Variants in PLEKHG1 observed in about 807,000 individuals in gnomAD.
PLEKHG1 encodes the protein pleckstrin homology domain-containing family G member 1.
A neutral mutation model predicts 100.8 loss-of-function variants in PLEKHG1; 44 were observed. The ratio of observed to expected loss-of-function variants is 0.44; its 90% CI spans 0.34 to 0.56. The LOEUF is 0.56. Among genes scored for constraint, PLEKHG1 ranks in the 20% least tolerant of loss-of-function variants. PLEKHG1 has a pLI of 0.01. For synonymous variants in PLEKHG1, 640 were observed against 662.5 expected, an observed-to-expected ratio of 0.97 and a Z score of 0.52; for missense variants, 1,545 against 1,720.9, an observed-to-expected ratio of 0.90 and a Z score of 1.81.
At chr6:150,755,588 T>C (rs756708008) in intron 2 of PLEKHG1, among the ~76,000 whole-genome samples, 2 of 152,134 alleles carry the variant, frequency 1.3e-5, no homozygotes, top group Non-Finnish European at 2.9e-5. Flanking sequence ...GAATGGACCA[T>C]GTGTGCAGTT....
intron 6 of PLEKHG1, among the ~76,000 whole-genome samples, chr6:150,804,386 A>G (rs1786914413): frequency 6.7e-6 from 1 of 150,240 alleles, no homozygotes; most frequent in African/African-American, 2.4e-5. Flanking sequence ...GGGTTTCACC[A>G]TGTTGGCCAG....
chr6:150,778,173 G>T (rs1785100398), intron 3 of PLEKHG1, among the ~76,000 whole-genome samples: 3 of 152,148 alleles, frequency 2.0e-5, no homozygotes, highest in Admixed American at 6.5e-5. Context: ...TGTTGTCCAG[G>T]CTGGAGTACA....
At chr6:150,773,192 A>G (rs1784790755) in intron 3 of PLEKHG1, among the ~76,000 whole-genome samples, 1 of 152,164 alleles carries the variant, frequency 6.6e-6, no homozygotes, top group South Asian at 2.1e-4. Context: ...GGTGTATAGT[A>G]AGGAGATCTA....
chr6:150,615,562 A>G (rs551887829), intron 1 of PLEKHG1, among the ~76,000 whole-genome samples: 13 of 152,328 alleles, frequency 8.5e-5, no homozygotes, highest in Non-Finnish European at 1.5e-4. Context: ...TAAATCTTAT[A>G]TATTGATTTA....
intron 10 of PLEKHG1, among the ~76,000 whole-genome samples, chr6:150,813,247 T>C (rs541641694): frequency 6.7e-6 from 1 of 150,112 alleles, no homozygotes; most frequent in African/African-American, 2.5e-5. Context: ...GGAGCTTGCA[T>C]TGAGCCGAGA....
chr6:150,813,712 CT>C (rs893757641), intron 10 of PLEKHG1, among the ~76,000 whole-genome samples: 2 of 152,080 alleles, frequency 1.3e-5, no homozygotes, highest in African/African-American at 4.8e-5. Flanking sequence ...GAAGAAGGGA[CT>C]TTTGGAGTCC....
At chr6:150,742,560 A>G (rs1488639938) in intron 2 of PLEKHG1, among the ~76,000 whole-genome samples, 1 of 66,658 alleles carries the variant, frequency 1.5e-5, no homozygotes, top group Non-Finnish European at 2.6e-5. Context: ...GTGAGACTCC[A>G]TCTCAAAAAA....
chr6:150,653,449 T>A (rs1335329768), intron 3 of PLEKHG1, among the ~76,000 whole-genome samples: 2 of 150,668 alleles, frequency 1.3e-5, no homozygotes, highest in Non-Finnish European at 3.0e-5. Context: ...AAAAAAAAAA[T>A]AAAAGTAAAC....
At chr6:150,723,444 G>A (rs559097045) in intron 1 of PLEKHG1, among the ~76,000 whole-genome samples, 1 of 152,250 alleles carries the variant, frequency 6.6e-6, no homozygotes, top group South Asian at 2.1e-4. Context: ...AGCTTATGTT[G>A]AGTCCTTCAT....
intron 1 of PLEKHG1, among the ~76,000 whole-genome samples, chr6:150,722,349 CTTTTTTTTT>C (rs139069069): frequency 1.1e-5 from 1 of 90,680 alleles, no homozygotes; most frequent in Non-Finnish European, 2.1e-5. Context: ...TTTTTCTTTT[CTTTTTTTTT>C]TTTTTTTTTT....
Position 150,683,972 on chromosome 6 carries a change from G to C in PLEKHG1, c.-99+33186G>C. On this transcript the variant is annotated intron_variant, in intron 3 of 3. Transcript: ENST00000367326. The surrounding 1 kb of genome is among the most constrained non-coding windows in gnomAD (Gnocchi z 4.0). ...TAGTGGGTTTCATGGAAGGATAAAAGTATCAGGCAGCCTCCTCGGGCGGAG... is the reference window on the plus strand; with the variant it reads ...TAGTGGGTTTCATGGAAGGATAAAACTATCAGGCAGCCTCCTCGGGCGGAG... 2.4e-6 allele frequency: 1 copy of C among 417,704 alleles called. No homozygotes were observed. Among genetic ancestry groups the C allele is most frequent in the Non-Finnish European group, 4.2e-6 (1 of 236,194 alleles). The allele number at this position is 417,704 out of a possible 1,614,324, so 25.9% of individuals were successfully genotyped here. A position where few individuals can be genotyped will look rare whatever the true frequency, so the allele number is the denominator to read the frequency against.
rs117002671 is a variant in PLEKHG1 at position 150,638,823 on chromosome 6, A to G, written c.-158+698A>G. Among the ~76,000 whole-genome samples the G allele has an allele frequency of 2.6e-4, 39 of 152,366 alleles. No homozygotes were observed. In the East Asian group the frequency reaches 6.2e-3, roughly 24 times the overall value. On this transcript the variant is annotated intron_variant, in intron 2 of 3. Transcript: ENST00000367326. ...AATAGAAGCTATTAGAATTCTCTTTATATAGCAGGGAATAGAATTATATAA... is the reference window on the plus strand; with the variant it reads ...AATAGAAGCTATTAGAATTCTCTTTGTATAGCAGGGAATAGAATTATATAA...
intron 10 of PLEKHG1, among the ~76,000 whole-genome samples, chr6:150,813,314 A>C (rs1321630847): frequency 1.3e-5 from 2 of 151,556 alleles, no homozygotes; most frequent in African/African-American, 2.4e-5. Flanking sequence ...CAAAAAAAAA[A>C]AAAAACAAAA....
At chr6:150,677,283 T>TACGCAC (rs756621195) in intron 3 of PLEKHG1, among the ~76,000 whole-genome samples, 1,799 of 134,254 alleles carry the variant, frequency 0.013, 81 homozygotes, top group Admixed American at 0.098. Flanking sequence ...TTTCTTCCCC[T>TACGCAC]ATACACACAC....
chr6:150,733,598 C>A lies in PLEKHG1; in HGVS notation c.-84C>A. 1 of 1,610,718 alleles carries A rather than the reference C, an allele frequency of 6.2e-7. No homozygotes were observed. The highest frequency in any genetic ancestry group is 8.5e-7 in the Non-Finnish European group (1 of 1,178,402). On this transcript the variant is annotated 5_prime_UTR_variant, in exon 2 of 16. It introduces an in-frame stop codon into an upstream open reading frame of the 5' UTR. Coordinates refer to ENST00000358517, the Ensembl canonical transcript of PLEKHG1. ...AATGCATATAGATGGGCACCAGTTGCGTCTTGAAGTGCCATCAGCTGTAAC... is the reference window on the plus strand; with the variant it reads ...AATGCATATAGATGGGCACCAGTTGAGTCTTGAAGTGCCATCAGCTGTAAC...
chr6:150,753,360 T>G (rs1048138786), intron 2 of PLEKHG1, among the ~76,000 whole-genome samples: 7 of 152,028 alleles, frequency 4.6e-5, no homozygotes, highest in African/African-American at 1.7e-4. Flanking sequence ...TATTTTCTTT[T>G]GAAAAAAGCC....
At chr6:150,624,893 A>T (rs901186842) in intron 1 of PLEKHG1, 1 of 152,184 alleles carries the variant, frequency 6.6e-6, no homozygotes, top group African/African-American at 2.4e-5. Flanking sequence ...AATTTGGTTA[A>T]TTAAAGATTT....
chr6:150,606,852 C>T (rs764507985), intron 1 of PLEKHG1, among the ~76,000 whole-genome samples: 1 of 152,070 alleles, frequency 6.6e-6, no homozygotes, highest in Non-Finnish European at 1.5e-5. Context: ...TGATTGGGTC[C>T]TTCTGGAATC....
At chr6:150,697,074 G>A (rs1286944010) in intron 3 of PLEKHG1, among the ~76,000 whole-genome samples, 1 of 146,162 alleles carries the variant, frequency 6.8e-6, no homozygotes, top group African/African-American at 2.6e-5. Context: ...TCCAGCCTGG[G>A]CAACAGAGTG....
Sources: gnomAD v4.1 joint callset for allele counts (sites outside exome capture counted in the v4.1 genomes callset) on GRCh38, gnomAD v4.1.1 for gene constraint, Gnocchi (gnomAD v3.1) non-coding constraint, MANE v1.5 for transcripts, NCBI Gene and HGNC (gene_info 2026-07-23, HGNC 2026-07-21) for gene names.